Variants in CCSER1 observed in about 807,000 individuals in gnomAD.
CCSER1 encodes the protein coiled-coil serine rich protein 1.
A neutral mutation model predicts 82.0 loss-of-function variants in CCSER1; 41 were observed. That is an observed-to-expected ratio of 0.50 (90% CI 0.39 to 0.65). The LOEUF (loss-of-function observed/expected upper bound fraction) is 0.65. CCSER1 is among the 30% of genes least tolerant of loss of function. CCSER1 has a pLI of 0.00. For synonymous variants in CCSER1, 414 were observed against 383.9 expected, an observed-to-expected ratio of 1.08 and a Z score of -0.92; for missense variants, 1,119 against 1,064.2, an observed-to-expected ratio of 1.05 and a Z score of -0.72.
Position 90,489,869 on chromosome 4 carries a change from G to A in CCSER1, c.1724+21515G>A, listed in dbSNP as rs888056766. ...CATGAACTCATCCATTTTTATGGCT[G>A]CATAGTATTCCATGGTGTATATGTG... On this transcript the variant is annotated intron_variant, in intron 5 of 10. Coordinates refer to ENST00000509176, the MANE Select transcript of CCSER1 (RefSeq NM_001145065.2). Among the ~76,000 whole-genome samples the A allele has an allele frequency of 3.3e-5, 5 of 152,270 alleles. No homozygotes were observed. The South Asian group carries it at 6.2e-4, about 19-fold the overall frequency.
At chr4:91,571,935 TATAG>T (rs774823835) in intron 10 of CCSER1, among the ~76,000 whole-genome samples, 8 of 151,964 alleles carry the variant, frequency 5.3e-5, no homozygotes, top group Non-Finnish European at 7.4e-5. Flanking sequence ...TTGTTGGAGG[TATAG>T]ATAGACATTT....
chr4:90,304,923 A>T (rs141691288), intron 1 of CCSER1, among the ~76,000 whole-genome samples: 1 of 147,026 alleles, frequency 6.8e-6, no homozygotes, highest in Non-Finnish European at 1.5e-5. Context: ...GGTGTTTTTT[A>T]TTTTTTTTTT....
At chr4:91,574,951 A>T (rs55650022) in intron 10 of CCSER1, among the ~76,000 whole-genome samples, 10,438 of 152,026 alleles carry the variant, frequency 0.069, 390 homozygotes, top group Middle Eastern at 0.099. Flanking sequence ...GCATTGCACT[A>T]CTGATTTCAA....
intron 9 of CCSER1, among the ~76,000 whole-genome samples, chr4:91,042,551 A>C (rs574824321): frequency 6.6e-6 from 1 of 152,298 alleles, no homozygotes; most frequent in African/African-American, 2.4e-5. Flanking sequence ...ACATTAATGA[A>C]GGTATACAGG....
chr4:91,325,461 A>G (rs778742763), intron 10 of CCSER1, among the ~76,000 whole-genome samples: 1 of 152,138 alleles, frequency 6.6e-6, no homozygotes, highest in Non-Finnish European at 1.5e-5. Flanking sequence ...CAATCAAGAG[A>G]AGGAAGGGAG....
intron 5 of CCSER1, among the ~76,000 whole-genome samples, chr4:90,564,610 C>T (rs1779154799): frequency 1.3e-5 from 2 of 151,638 alleles, no homozygotes; most frequent in Non-Finnish European, 2.9e-5. Flanking sequence ...ACTCTAATGT[C>T]TTGGAGCTTT....
intron 1 of CCSER1, among the ~76,000 whole-genome samples, chr4:90,219,571 AT>A (rs1741741356): frequency 6.6e-6 from 1 of 152,076 alleles, no homozygotes; most frequent in African/African-American, 2.4e-5. Flanking sequence ...TCCCAAGTAT[AT>A]TTATCTGTCT....
intron 6 of CCSER1, among the ~76,000 whole-genome samples, chr4:90,715,633 T>C (rs1741498729): frequency 6.6e-6 from 1 of 152,024 alleles, no homozygotes; most frequent in African/African-American, 2.4e-5. Context: ...CTGTCCTCTC[T>C]GTGATTTCAG....
chr4:90,986,190 A>G (rs897173401), intron 9 of CCSER1, among the ~76,000 whole-genome samples: 1 of 151,674 alleles, frequency 6.6e-6, no homozygotes, highest in African/African-American at 2.4e-5. Flanking sequence ...CCAAGGAGAA[A>G]TTTTGAATTA....
chr4:90,263,547 G>T (rs1020929675), intron 1 of CCSER1, among the ~76,000 whole-genome samples: 3 of 152,122 alleles, frequency 2.0e-5, no homozygotes, highest in African/African-American at 7.2e-5. Flanking sequence ...AGTACTGCAG[G>T]CAAAGTTGAT....
At chr4:90,694,512 A>G (rs1176169502) in intron 6 of CCSER1, among the ~76,000 whole-genome samples, 1 of 152,036 alleles carries the variant, frequency 6.6e-6, no homozygotes, top group Non-Finnish European at 1.5e-5. Context: ...AGTAACAAAG[A>G]AAGCTTCATT....
intron 10 of CCSER1, among the ~76,000 whole-genome samples, chr4:91,411,515 T>TAC (rs1753042908): frequency 2.7e-5 from 3 of 110,656 alleles, no homozygotes; most frequent in African/African-American, 1.0e-4. Flanking sequence ...TATATATATA[T>TAC]ATATATATAT....
rs76628219 is a variant in CCSER1 at position 91,201,683 on chromosome 4, C to T, written c.2217+115689C>T. On this transcript the variant is annotated intron_variant, in intron 10 of 10. Transcript: ENST00000509176. ...TATCGTGGGATTACAGATGTGATTA[C>T]GTCTGAATTTCTGATATTCTTAGTG... Among the ~76,000 whole-genome samples, 6 of 152,062 alleles carry T rather than the reference C, an allele frequency of 3.9e-5. No homozygotes were observed. In the East Asian group the frequency reaches 7.7e-4, roughly 20 times the overall value.
chr4:91,215,866 A>T (rs2149091608), intron 10 of CCSER1, among the ~76,000 whole-genome samples: 1 of 152,332 alleles, frequency 6.6e-6, no homozygotes, highest in South Asian at 2.1e-4. Flanking sequence ...AGTAAAAAAC[A>T]GGATTTTTGT....
chr4:91,587,694 G>A (rs1250761681), intron 10 of CCSER1, among the ~76,000 whole-genome samples: 4 of 151,622 alleles, frequency 2.6e-5, no homozygotes, highest in Admixed American at 6.6e-5. Flanking sequence ...AAATCTTTTG[G>A]ATGTTGTTTT....
At chr4:91,213,117 C>CT (rs1207407070) in intron 10 of CCSER1, among the ~76,000 whole-genome samples, 1 of 152,010 alleles carries the variant, frequency 6.6e-6, no homozygotes, top group Non-Finnish European at 1.5e-5. Flanking sequence ...ATACGCACCA[C>CT]TTTTTTAAAT....
At chr4:90,290,640 G>A (rs527459286) in intron 1 of CCSER1, among the ~76,000 whole-genome samples, 20 of 151,732 alleles carry the variant, frequency 1.3e-4, no homozygotes, top group African/African-American at 3.9e-4. Flanking sequence ...TCTCTCGCTC[G>A]CTTGTTTTTT....
At chr4:90,830,096 T>C (rs1760945181) in intron 8 of CCSER1, among the ~76,000 whole-genome samples, 1 of 152,158 alleles carries the variant, frequency 6.6e-6, no homozygotes, top group South Asian at 2.1e-4. Flanking sequence ...AGAGAGGCAA[T>C]ACGATAATTG....
intron 9 of CCSER1, among the ~76,000 whole-genome samples, chr4:90,958,241 C>T (rs1033025734): frequency 2.0e-5 from 3 of 152,046 alleles, no homozygotes; most frequent in Non-Finnish European, 4.4e-5. Context: ...GTAACTAGGT[C>T]GTGAAACAAC....
Sources: allele counts gnomAD v4.1 joint callset (sites outside exome capture counted in the v4.1 genomes callset), GRCh38; gene constraint gnomAD v4.1.1; transcripts MANE v1.5; gene names NCBI Gene and HGNC (gene_info 2026-07-23, HGNC 2026-07-21).